The following CCDC141 variants were observed in gnomAD, a reference collection of about 807,000 sequenced individuals.
The protein encoded by CCDC141 is coiled-coil domain containing 141, also known as coiled-coil domain-containing protein 141.
A neutral mutation model predicts 181.0 loss-of-function variants in CCDC141; 168 were observed. That is an observed-to-expected ratio of 0.93 (90% CI 0.82 to 1.05). The LOEUF is 1.05. Ranked by LOEUF, CCDC141 falls within the 50% of genes least tolerant of loss-of-function variation. The probability of loss-of-function intolerance (pLI) is 0.00; values close to 1 mark genes in which losing one functional copy is unlikely to be tolerated. For missense variants in CCDC141, 1,902 were observed against 1,788.5 expected (o/e 1.06, Z -1.14); for synonymous variants, 666 against 642.3 (o/e 1.04, Z -0.56).
chr2:178,835,083 T>TA (rs1472268249), intron 23 of CCDC141, among the ~76,000 whole-genome samples: 2 of 152,104 alleles, frequency 1.3e-5, no homozygotes, highest in Non-Finnish European at 1.5e-5. Context: ...TTACCTAGGG[T>TA]GTGAAATGGC....
chr2:179,015,360 C>T (rs62647556), intron 2 of CCDC141, among the ~76,000 whole-genome samples: 326 of 32,548 alleles, frequency 0.01, 3 homozygotes, highest in African/African-American at 0.018. Flanking sequence ...CATACATATC[C>T]CATATATGTA....
chr2:178,981,754 G>T (rs999932371), intron 2 of CCDC141, among the ~76,000 whole-genome samples: 4 of 147,992 alleles, frequency 2.7e-5, no homozygotes, highest in Non-Finnish European at 3.0e-5. Context: ...ACTAGAGAAA[G>T]AGAGTAAATT....
Position 178,905,440 on chromosome 2 carries a change from C to G in CCDC141, c.1154G>C (p.Ser385Thr), listed in dbSNP as rs552539183. ...YLKLLKSEGLSLAVLAVRHEE... is the reference protein window; with the variant it reads ...YLKLLKSEGLTLAVLAVRHEE... The stretch of plus-strand genomic sequence containing the variant: ...ATGCCTCACTGCCAAAACAGCCAGA[C>G]TTAAACCCTCTGATTTAAGGAGCTT... Residue 385 changes from serine to threonine, a missense_variant, in exon 8 of 24, where the codon AGT becomes ACT. Coordinates refer to ENST00000443758, the MANE Select transcript of CCDC141 (RefSeq NM_173648.4). 5.2e-6 allele frequency: 8 copies of G among 1,551,014 alleles called. No individual in the cohort carries two copies. In the African/African-American group the frequency reaches 8.2e-5, roughly 16 times the overall value.
chr2:178,992,092 G>T (rs34433848), intron 2 of CCDC141, among the ~76,000 whole-genome samples: 23,950 of 151,592 alleles, frequency 0.16, 1,996 homozygotes, highest in Middle Eastern at 0.24. Flanking sequence ...TTATTTAGTT[G>T]CCTGTAGAAA....
chr2:178,927,100 A>G (rs1013003073), intron 6 of CCDC141, among the ~76,000 whole-genome samples: 2 of 152,204 alleles, frequency 1.3e-5, no homozygotes, highest in African/African-American at 2.4e-5. Flanking sequence ...GTATGGAAGA[A>G]ATCACTTGTC....
rs1553502718 is a variant in CCDC141 at position 179,015,085 on chromosome 2, T to TACACAC, written c.225+32198_225+32199insGTGTGT. ...AGACAGAGATATATATATATATATATATATATATATATATATATAATATAT... is the reference window on the plus strand; with the variant it reads ...AGACAGAGATATATATATATATATATACACACATATATATATATATATATAATATAT... On this transcript the variant is annotated intron_variant, in intron 2 of 23. Transcript: ENST00000443758. Among the ~76,000 whole-genome samples the TACACAC allele has an allele frequency of 1.5e-4, 6 of 40,910 alleles. 1 individual carries two copies. The highest frequency in any genetic ancestry group is 4.1e-4 in the African/African-American group (6 of 14,458). The allele number at this position is 40,910 out of a possible 152,430, so 26.8% of individuals were successfully genotyped here. A position where few individuals can be genotyped will look rare whatever the true frequency, so the allele number is the denominator to read the frequency against.
In CCDC141 at chr2:178,864,218, GA is replaced by G. The variant is rs556370210; in HGVS notation, c.2724+1548del. ...AGAAGTAGAGGAGGAGGAAGAGAAG[GA>G]GGGAAAACGGGAAGAAAGGGGGAGG... On this transcript the variant is annotated intron_variant, in intron 17 of 23. Coordinates refer to ENST00000443758, the MANE Select transcript of CCDC141 (RefSeq NM_173648.4). 7.9e-5 allele frequency among the ~76,000 whole-genome samples: 12 copies of G among 152,276 alleles called. No homozygotes were observed. The East Asian group carries it at 2.1e-3, about 27-fold the overall frequency.
chr2:178,837,716 C>T lies in CCDC141; in HGVS notation c.3503G>A (p.Gly1168Asp), dbSNP rs1366903820. The stretch of plus-strand genomic sequence containing the variant: ...TCGCTCTTCCCCTGTTCCATTGATG[C>T]CCAAAAGATCTGCCACCTGCACCTG... ...KGQVQVADLLGINGTGEERLP... is the reference protein window; with the variant it reads ...KGQVQVADLLDINGTGEERLP... Residue 1168 changes from glycine (G) to aspartate (D), a missense_variant, in exon 23 of 24, where the codon GGC becomes GAC. Coordinates refer to ENST00000443758, the MANE Select transcript of CCDC141 (RefSeq NM_173648.4). 6.2e-7 allele frequency: 1 copy of T among 1,612,120 alleles called. No individual in the cohort carries two copies. The highest frequency in any genetic ancestry group is 1.3e-5 in the African/African-American group (1 of 75,000).
chr2:179,003,976 C>T (rs1364161361), intron 2 of CCDC141, among the ~76,000 whole-genome samples: 1 of 152,070 alleles, frequency 6.6e-6, no homozygotes, highest in Non-Finnish European at 1.5e-5. Flanking sequence ...AATTGTATCA[C>T]ATATGCTGAT....
chr2:178,874,051 C>T (rs963033312), intron 12 of CCDC141: 5 of 152,126 alleles, frequency 3.3e-5, no homozygotes, highest in Non-Finnish European at 5.9e-5. Flanking sequence ...ATATGAGCCA[C>T]GACAACCCAA....
intron 15 of CCDC141, among the ~76,000 whole-genome samples, 200 bp downstream of exon 15, chr2:178,868,917 C>T (rs1479660648): frequency 6.6e-6 from 1 of 151,978 alleles, no homozygotes; most frequent in Non-Finnish European, 1.5e-5. Context: ...ATGTGTGCAT[C>T]ATCTCTGAGG....
chr2:178,878,969 TA>T (rs1216311882), intron 11 of CCDC141, among the ~76,000 whole-genome samples: 1 of 152,118 alleles, frequency 6.6e-6, no homozygotes, highest in East Asian at 1.9e-4. Flanking sequence ...TAAACCAGAA[TA>T]AAAAAGTATA....
chr2:179,049,749 G>C (rs967361673), intron 1 of CCDC141, 91 bp downstream of exon 1: 59 of 1,387,996 alleles, frequency 4.3e-5, no homozygotes, highest in Non-Finnish European at 5.5e-5. Context: ...TCTATGCTGT[G>C]TCCTGCCGAT....
intron 2 of CCDC141, among the ~76,000 whole-genome samples, chr2:179,033,793 A>G (rs1282245981): frequency 1.3e-5 from 2 of 152,202 alleles, no homozygotes; most frequent in Non-Finnish European, 2.9e-5. Flanking sequence ...TGGAGACTAC[A>G]GGCCTATGAT....
intron 2 of CCDC141, among the ~76,000 whole-genome samples, chr2:179,035,593 A>G (rs1211710652): frequency 6.6e-6 from 1 of 152,168 alleles, no homozygotes; most frequent in Non-Finnish European, 1.5e-5. Context: ...TCTACTTCCA[A>G]GGTGGCTCAT....
intron 2 of CCDC141, among the ~76,000 whole-genome samples, chr2:179,010,441 CA>C (rs2042234468): frequency 6.6e-6 from 1 of 152,156 alleles, no homozygotes. Context: ...ACCAGATTAA[CA>C]GTAGATTTAT....
At chr2:178,841,549 T>C (rs933823968) in intron 22 of CCDC141, among the ~76,000 whole-genome samples, 14 of 152,240 alleles carry the variant, frequency 9.2e-5, no homozygotes, top group African/African-American at 3.4e-4. Flanking sequence ...TGTACATCTA[T>C]TATGTATCAT....
intron 2 of CCDC141, among the ~76,000 whole-genome samples, chr2:179,023,558 T>C (rs1440579236): frequency 2.0e-5 from 3 of 152,230 alleles, no homozygotes; most frequent in African/African-American, 7.2e-5. Context: ...CTAGCAATCA[T>C]GCAATAAAAG....
chr2:178,990,518 GAGAA>G (rs1176711882), intron 2 of CCDC141, among the ~76,000 whole-genome samples: 5 of 139,032 alleles, frequency 3.6e-5, no homozygotes, highest in South Asian at 2.4e-4. Context: ...AAGAGAGAGA[GAGAA>G]AGAAAGAGAG....
Sources: allele counts gnomAD v4.1 joint callset (sites outside exome capture counted in the v4.1 genomes callset), GRCh38; gene constraint gnomAD v4.1.1; transcripts MANE v1.5; gene names NCBI Gene and HGNC (gene_info 2026-07-23, HGNC 2026-07-21).